ADAM12: variants seen among roughly 807,000 people sequenced by gnomAD.
ADAM12 encodes the protein disintegrin and metalloproteinase domain-containing protein 12.
Under a neutral mutation model 106.4 loss-of-function variants are expected in ADAM12, and 70 were observed. The ratio of observed to expected loss-of-function variants is 0.66; its 90% CI spans 0.54 to 0.80. The LOEUF is 0.80. Ranked by LOEUF, ADAM12 falls within the 30% of genes least tolerant of loss-of-function variation. The pLI is 0.00. For missense variants in ADAM12, 1,010 were observed against 1,171.9 expected (o/e 0.86, Z 2.02); for synonymous variants, 420 against 433.5 (o/e 0.97, Z 0.39).
At chr10:126,026,350 A>G (rs1334624144) in intron 21 of ADAM12, among the ~76,000 whole-genome samples, 1 of 152,164 alleles carries the variant, frequency 6.6e-6, no homozygotes, top group Non-Finnish European at 1.5e-5. Flanking sequence ...AGAGACCTGC[A>G]GACTTTAACA....
intron 16 of ADAM12, among the ~76,000 whole-genome samples, chr10:126,047,248 T>A (rs1954351568): frequency 6.6e-6 from 1 of 152,174 alleles, no homozygotes; most frequent in Non-Finnish European, 1.5e-5. Flanking sequence ...AACCTTCCTA[T>A]TGAGGAGGTC....
chr10:126,350,567 T>C (rs1855314219), intron 1 of ADAM12, among the ~76,000 whole-genome samples: 1 of 152,248 alleles, frequency 6.6e-6, no homozygotes, highest in African/African-American at 2.4e-5. Context: ...CCTGACTCTG[T>C]CCATCTCTTG....
chr10:126,227,810 G>A (rs1349316075), intron 3 of ADAM12, among the ~76,000 whole-genome samples: 1 of 152,098 alleles, frequency 6.6e-6, no homozygotes, highest in Non-Finnish European at 1.5e-5. Context: ...AGAAAACAAA[G>A]AGGCAGAAAA....
intron 2 of ADAM12, among the ~76,000 whole-genome samples, chr10:126,294,201 T>C (rs1960274022): frequency 6.6e-6 from 1 of 152,220 alleles, no homozygotes; most frequent in Non-Finnish European, 1.5e-5. Context: ...ATCTTGATTT[T>C]TGCTACAAAG....
In ADAM12 at chr10:126,243,453, TA is replaced by T. The variant is rs543605198; in HGVS notation, c.260+35461del. On this transcript the variant is annotated intron_variant, in intron 3 of 22. Transcript: ENST00000448723. Reference sequence around the variant, plus strand: ...GCAGGGACTAACATTATCTTCTGTGTAGACCAGTGGGGAGCAACTCTGTGTG... The same window carrying T: ...GCAGGGACTAACATTATCTTCTGTGTGACCAGTGGGGAGCAACTCTGTGTG... Among the ~76,000 whole-genome samples, 87 of 148,128 alleles carry T rather than the reference TA, an allele frequency of 5.9e-4. No individual in the cohort carries two copies. The South Asian group carries it at 6.1e-3, about 10-fold the overall frequency.
At chr10:126,102,833 G>A (rs901378711) in intron 8 of ADAM12, among the ~76,000 whole-genome samples, 2 of 152,196 alleles carry the variant, frequency 1.3e-5, no homozygotes, top group African/African-American at 2.4e-5. Context: ...GTTCCTGGCC[G>A]GCTCTGGAAC....
intron 3 of ADAM12, among the ~76,000 whole-genome samples, chr10:126,219,007 C>G (rs760316409): frequency 5.3e-5 from 8 of 152,140 alleles, no homozygotes; most frequent in Non-Finnish European, 1.0e-4. Context: ...TAATGTTACC[C>G]TCAATTTACA....
At chr10:126,276,737 AAG>A (rs1445367063) in intron 3 of ADAM12, among the ~76,000 whole-genome samples, 4 of 152,224 alleles carry the variant, frequency 2.6e-5, no homozygotes, top group African/African-American at 9.6e-5. Flanking sequence ...TGAGGTTGCA[AAG>A]AGAGAAATAA....
At chr10:126,202,224 A>C (rs1957715468) in intron 3 of ADAM12, among the ~76,000 whole-genome samples, 1 of 152,230 alleles carries the variant, frequency 6.6e-6, no homozygotes, top group Admixed American at 6.5e-5. Flanking sequence ...CCTGTGGAAA[A>C]CTTTTGCTTT....
At chr10:126,251,405 C>T (rs55985831) in intron 3 of ADAM12, among the ~76,000 whole-genome samples, 60,014 of 144,266 alleles carry the variant, frequency 0.42, 13,808 homozygotes, top group Non-Finnish European at 0.53. Flanking sequence ...CCCAAGGTCA[C>T]TGTCTTGGTC....
chr10:126,162,940 A>C (rs992144289), intron 3 of ADAM12, among the ~76,000 whole-genome samples: 3 of 152,248 alleles, frequency 2.0e-5, no homozygotes, highest in Admixed American at 2.0e-4. Flanking sequence ...CGGATCCTTG[A>C]TGGCTTGGTG....
intron 3 of ADAM12, among the ~76,000 whole-genome samples, chr10:126,260,372 T>C (rs936184903): frequency 1.3e-5 from 2 of 152,240 alleles, no homozygotes; most frequent in Non-Finnish European, 2.9e-5. Context: ...GGGAAAGCTG[T>C]TGAGCCAGCC....
At chr10:126,090,140 A>G (rs1461517246) in intron 11 of ADAM12, among the ~76,000 whole-genome samples, 1 of 151,948 alleles carries the variant, frequency 6.6e-6, no homozygotes, top group African/African-American at 2.4e-5. Flanking sequence ...CACCACTAGA[A>G]CACCAGTTCC....
intron 8 of ADAM12, among the ~76,000 whole-genome samples, chr10:126,101,526 C>A (rs1215635011): frequency 6.6e-6 from 1 of 152,196 alleles, no homozygotes; most frequent in Non-Finnish European, 1.5e-5. Flanking sequence ...TTTCAAATGA[C>A]TCACTGGTGA....
At chr10:126,034,766 A>G (rs1197591655) in intron 21 of ADAM12, among the ~76,000 whole-genome samples, 2 of 152,178 alleles carry the variant, frequency 1.3e-5, no homozygotes, top group African/African-American at 4.8e-5. Flanking sequence ...GTTTGCTGCA[A>G]TCATGAATGA....
chr10:126,206,254 CTGACCCTTTCTAAAAGTACT>C (rs1395731683), intron 3 of ADAM12, among the ~76,000 whole-genome samples: 4 of 152,214 alleles, frequency 2.6e-5, no homozygotes, highest in Non-Finnish European at 4.4e-5. Context: ...ATGAATCTTT[CTGACCCTTTCTAAAAGTACT>C]TGCCCTACAC....
intron 3 of ADAM12, among the ~76,000 whole-genome samples, chr10:126,186,147 ATC>A (rs1957395696): frequency 6.6e-6 from 1 of 152,078 alleles, no homozygotes. Flanking sequence ...CAGAAAACCC[ATC>A]TCTGTGTCTT....
intron 3 of ADAM12, among the ~76,000 whole-genome samples, chr10:126,165,753 T>A (rs1957013525): frequency 6.6e-6 from 1 of 152,192 alleles, no homozygotes; most frequent in Non-Finnish European, 1.5e-5. Context: ...TCTGAAATAT[T>A]TTTTCCTCCA....
chr10:126,371,444 T>C (rs1177976981), intron 1 of ADAM12, among the ~76,000 whole-genome samples: 1 of 152,210 alleles, frequency 6.6e-6, no homozygotes, highest in Non-Finnish European at 1.5e-5. Context: ...GCAACTTAGT[T>C]TCAGAAAGAT....
Sources: allele counts gnomAD v4.1 joint callset (sites outside exome capture counted in the v4.1 genomes callset), GRCh38; gene constraint gnomAD v4.1.1; transcripts MANE v1.5; gene names NCBI Gene and HGNC (gene_info 2026-07-23, HGNC 2026-07-21).